The following HKDC1 variants were observed in gnomAD, a reference collection of about 807,000 sequenced individuals.
The protein encoded by HKDC1 is hexokinase domain containing 1, also known as hexokinase HKDC1.
HKDC1 carries 66 observed loss-of-function variants against 96.6 expected under a neutral mutation model. That is an observed-to-expected ratio of 0.68 (90% CI 0.56 to 0.84). The LOEUF is 0.84. HKDC1 is among the 40% of genes least tolerant of loss of function. HKDC1 has a pLI of 0.00. For synonymous variants in HKDC1, 466 were observed against 473.1 expected, an observed-to-expected ratio of 0.98 and a Z score of 0.20; for missense variants, 1,211 against 1,208.1, an observed-to-expected ratio of 1.00 and a Z score of -0.04.
intron 1 of HKDC1, among the ~76,000 whole-genome samples, chr10:69,222,398 T>C (rs765815066): frequency 2.0e-5 from 3 of 152,234 alleles, no homozygotes; most frequent in Non-Finnish European, 4.4e-5. Flanking sequence ...CTCTACTGGC[T>C]ACTTAAGGAG....
chr10:69,261,124 T>C lies in HKDC1; in HGVS notation c.2217-15T>C. 1 of 1,608,878 alleles carries C rather than the reference T, an allele frequency of 6.2e-7. No individual in the cohort carries two copies. Among genetic ancestry groups the C allele is most frequent in the Non-Finnish European group, 8.5e-7 (1 of 1,175,514 alleles). On this transcript the variant is annotated splice_polypyrimidine_tract_variant and intron_variant, in intron 15 of 17. Coordinates refer to ENST00000354624, the MANE Select transcript of HKDC1 (RefSeq NM_025130.4). ...TTGCAGGTCTGCCCCAACCTTATCC[T>C]TCTTCTCCAAACAGATACGAGAAAA...
intron 4 of HKDC1, among the ~76,000 whole-genome samples, chr10:69,233,478 G>A (rs979136800): frequency 6.6e-6 from 1 of 152,122 alleles, no homozygotes; most frequent in Non-Finnish European, 1.5e-5. Context: ...CTCCCTGACA[G>A]GTTCCTGGCA....
chr10:69,250,292 A>G lies in HKDC1; in HGVS notation c.1573A>G (p.Lys525Glu). 1.2e-6 allele frequency: 2 copies of G among 1,612,564 alleles called. No homozygotes were observed. The highest frequency in any genetic ancestry group is 1.7e-6 in the Non-Finnish European group (2 of 1,179,338). Residue 525 changes from lysine to glutamate, a missense_variant and splice_region_variant, in exon 11 of 18, where the codon AAA (lysine) becomes GAA (glutamate). By Grantham distance (56) the Lys-to-Glu change is moderately conservative. Transcript: ENST00000354624. ...YVCGLPDGTE[K>E]GKFLALDLGG... ...AGCTGCTGCTTTCTCCATCACAGAGAAAGGAAAGTTTCTCGCCCTGGATCT... is the reference window on the plus strand; with the variant it reads ...AGCTGCTGCTTTCTCCATCACAGAGGAAGGAAAGTTTCTCGCCCTGGATCT...
At chr10:69,229,775 A>T (rs2132335803) in intron 2 of HKDC1, among the ~76,000 whole-genome samples, 1 of 152,240 alleles carries the variant, frequency 6.6e-6, no homozygotes, top group East Asian at 1.9e-4. Flanking sequence ...CTCTCACCAC[A>T]CAAAGCATCT....
chr10:69,262,096 T>C (rs777183067), intron 16 of HKDC1: 5 of 442,886 alleles, frequency 1.1e-5, no homozygotes, highest in Non-Finnish European at 2.3e-5. Flanking sequence ...CTGGATCTAT[T>C]ATTTCACTAG....
intron 12 of HKDC1, among the ~76,000 whole-genome samples, chr10:69,254,538 C>T (rs1404638585): frequency 6.6e-6 from 1 of 152,196 alleles, no homozygotes; most frequent in African/African-American, 2.4e-5. Context: ...CCCTTGGCTT[C>T]TCTACTTATT....
At chr10:69,249,505 A>AT (rs1234606171) in intron 10 of HKDC1, among the ~76,000 whole-genome samples, 3 of 151,618 alleles carry the variant, frequency 2.0e-5, no homozygotes, top group African/African-American at 2.4e-5. Flanking sequence ...TTTTATTTTT[A>AT]TTTTTTTTGA....
At chr10:69,254,759 A>T (rs1461859664) in intron 12 of HKDC1, among the ~76,000 whole-genome samples, 2 of 151,730 alleles carry the variant, frequency 1.3e-5, no homozygotes, top group African/African-American at 2.4e-5. Context: ...ATTGAATTAG[A>T]AAAAAAAATT....
Position 69,246,194 on chromosome 10 carries a change from A to C in HKDC1, c.991A>C (p.Lys331Gln), listed in dbSNP as rs371609931. 87 of 1,614,046 alleles carry C rather than the reference A, an allele frequency of 5.4e-5. No homozygotes were observed. Among genetic ancestry groups the C allele is most frequent in the Non-Finnish European group, 6.9e-5 (82 of 1,180,038 alleles). The change falls in exon 8 of 18, where the codon AAG becomes CAG. Residue 331 changes from lysine (K) to glutamine (Q), a missense_variant. Lys to Gln is a moderately conservative substitution (Grantham distance 53). Transcript: ENST00000354624. ...TGAGAAATCTTCTGCTCTCCACACT[A>C]AGGGCAAGATCGAAACACGGCACGT... ...GGEKSSALHTKGKIETRHVAA... is the reference protein window; with the variant it reads ...GGEKSSALHTQGKIETRHVAA...
chr10:69,222,049 C>T (rs1299615472), intron 1 of HKDC1, among the ~76,000 whole-genome samples: 1 of 152,194 alleles, frequency 6.6e-6, no homozygotes, highest in Non-Finnish European at 1.5e-5. Flanking sequence ...TGGTGAAACC[C>T]CGTCTCTACT....
intron 1 of HKDC1, among the ~76,000 whole-genome samples, chr10:69,220,720 T>C (rs543692433): frequency 6.6e-6 from 1 of 152,340 alleles, no homozygotes; most frequent in South Asian, 2.1e-4. Context: ...CGGAACTTCC[T>C]GGCAGGTATT....
intron 17 of HKDC1, among the ~76,000 whole-genome samples, 179 bp downstream of exon 17, chr10:69,265,997 G>A (rs1843892564): frequency 6.6e-6 from 1 of 152,178 alleles, no homozygotes; most frequent in Admixed American, 6.5e-5. Flanking sequence ...GAGCCCTGGT[G>A]CCTCTGCTAC....
chr10:69,246,365 C>A, intron 8 of HKDC1, 131 bp downstream of exon 8: 1 of 997,638 alleles, frequency 1.0e-6, no homozygotes, highest in South Asian at 1.6e-5. Context: ...CAGACCTGGG[C>A]ATGGCTTCAG....
intron 9 of HKDC1, 100 bp from the exon 10 acceptor site, chr10:69,248,324 C>A: frequency 7.9e-7 from 1 of 1,272,818 alleles, no homozygotes; most frequent in Non-Finnish European, 1.1e-6. Context: ...GAGCCCCGCC[C>A]CGCAGGGCCC....
intron 16 of HKDC1, among the ~76,000 whole-genome samples, chr10:69,265,061 T>C (rs1473057256): frequency 6.6e-6 from 1 of 152,094 alleles, no homozygotes; most frequent in Non-Finnish European, 1.5e-5. Flanking sequence ...AGTCTTACTG[T>C]CAAAGAGCAG....
chr10:69,265,807 G>A lies in HKDC1; in HGVS notation c.2595G>A (p.Lys865=), dbSNP rs1173052333. Residue 865 remains lysine (K), a synonymous_variant, in exon 17 of 18, where the codon AAG becomes AAA. Coordinates refer to ENST00000354624, the MANE Select transcript of HKDC1 (RefSeq NM_025130.4). ...TGGGTGTGGACGGCACCCTGTACAA[G>A]CTGCACCCTCAGTGAGTGCCCACAA... ...ITVGVDGTLY[K]LHPHFSRILQ... is the part of the protein sequence containing the mutation. 4 of 1,611,740 alleles carry A rather than the reference G, an allele frequency of 2.5e-6. No homozygotes were observed. The South Asian group carries it at 4.4e-5, about 18-fold the overall frequency.
intron 1 of HKDC1, among the ~76,000 whole-genome samples, chr10:69,221,736 C>G (rs1843069024): frequency 6.6e-6 from 1 of 151,972 alleles, no homozygotes. Flanking sequence ...AGTTTGAGAC[C>G]AGCCTGGGCA....
At chr10:69,261,323 C>T (rs374231437) in intron 16 of HKDC1, 29 bp downstream of exon 16, 117 of 1,607,256 alleles carry the variant, frequency 7.3e-5, no homozygotes, top group Non-Finnish European at 8.8e-5. Flanking sequence ...CATCATGAGG[C>T]TCTGACTGGC....
At chr10:69,251,163 C>T (rs1394132697) in intron 12 of HKDC1, among the ~76,000 whole-genome samples, 7 of 141,646 alleles carry the variant, frequency 4.9e-5, no homozygotes, top group African/African-American at 1.0e-4. Context: ...GGCGTGATCT[C>T]GGCTCACTGC....
Sources: gnomAD v4.1 joint callset for allele counts (sites outside exome capture counted in the v4.1 genomes callset) on GRCh38, gnomAD v4.1.1 for gene constraint, MANE v1.5 for transcripts, NCBI Gene and HGNC (gene_info 2026-07-23, HGNC 2026-07-21) for gene names.